The following ZNF618 variants were observed in gnomAD, a reference collection of about 807,000 sequenced individuals.
ZNF618 encodes the protein zinc finger protein 618, also known as neural precursor cell expressed, developmentally down-regulated 10.
Under a neutral mutation model 103.0 loss-of-function variants are expected in ZNF618, and 34 were observed. That is an observed-to-expected ratio of 0.33 (90% CI 0.25 to 0.44). The LOEUF is 0.44. ZNF618 is among the 20% of genes least tolerant of loss of function. The pLI is 1.00. For missense variants in ZNF618, 1,059 were observed against 1,295.4 expected, an observed-to-expected ratio of 0.82 and a Z score of 2.80; for synonymous variants, 551 against 542.2, an observed-to-expected ratio of 1.02 and a Z score of -0.23.
intron 1 of ZNF618, among the ~76,000 whole-genome samples, chr9:113,946,324 A>G (rs536921836): frequency 6.6e-6 from 1 of 152,150 alleles, no homozygotes; most frequent in Non-Finnish European, 1.5e-5. Flanking sequence ...GCCTAGCCCA[A>G]GGTCACATAG....
At position 114,055,342 on chromosome 9, in the gene ZNF618, G is replaced by C. The variant is rs1429835871; in HGVS notation, c.*5175G>C. On this transcript the variant is annotated 3_prime_UTR_variant, in exon 15 of 15. Coordinates refer to ENST00000374126, the MANE Select transcript of ZNF618 (RefSeq NM_001318042.2). The stretch of plus-strand genomic sequence containing the variant: ...ACTGACCCGGGGCTGGGCCTCGCCA[G>C]CCAGGAGAGAGCGAGGGCCGCACGG... 1 of 152,676 alleles carries C rather than the reference G, an allele frequency of 6.5e-6. No individual in the cohort carries two copies. The highest frequency in any genetic ancestry group is 1.5e-5 in the Non-Finnish European group (1 of 68,094). The allele number at this position is 152,676 out of a possible 1,614,324, so 9.5% of individuals were successfully genotyped here.
chr9:113,880,646 A>G (rs1828426008), intron 1 of ZNF618, among the ~76,000 whole-genome samples: 1 of 152,126 alleles, frequency 6.6e-6, no homozygotes, highest in African/African-American at 2.4e-5. Flanking sequence ...TCACAATCAG[A>G]ATTTTTTAAA....
chr9:113,965,555 C>T (rs192169261), intron 1 of ZNF618, among the ~76,000 whole-genome samples: 1 of 152,120 alleles, frequency 6.6e-6, no homozygotes. Flanking sequence ...GAAGGAGGAT[C>T]TCACTGGGGT....
intron 4 of ZNF618, among the ~76,000 whole-genome samples, chr9:114,000,583 A>ACCCCC (rs78178629): frequency 6.6e-6 from 1 of 151,762 alleles, no homozygotes; most frequent in Non-Finnish European, 1.5e-5. Flanking sequence ...AAAAGGTTGG[A>ACCCCC]CCCCCCTGAG....
intron 2 of ZNF618, among the ~76,000 whole-genome samples, chr9:113,981,045 G>T (rs992741950): frequency 5.3e-5 from 8 of 152,194 alleles, no homozygotes; most frequent in Admixed American, 2.6e-4. Context: ...CTTGGTCAGT[G>T]GGCAGAGTCC....
At chr9:113,892,667 GAAACA>G (rs1465109795) in intron 1 of ZNF618, among the ~76,000 whole-genome samples, 2 of 152,282 alleles carry the variant, frequency 1.3e-5, no homozygotes, top group East Asian at 3.9e-4. Context: ...GAAATAACTG[GAAACA>G]AGCAGAAAAG....
chr9:113,895,521 T>G (rs1829964586), intron 1 of ZNF618, among the ~76,000 whole-genome samples: 2 of 152,076 alleles, frequency 1.3e-5, no homozygotes, highest in South Asian at 4.1e-4. Context: ...TAGTGTGCTG[T>G]TTTTGTCATT....
chr9:113,976,157 A>G (rs1421983148), intron 2 of ZNF618, among the ~76,000 whole-genome samples: 2 of 152,186 alleles, frequency 1.3e-5, no homozygotes, highest in African/African-American at 4.8e-5. Flanking sequence ...ATTCACGTCC[A>G]TCAAGATCCG....
At chr9:114,009,230 G>C (rs1842033379) in intron 9 of ZNF618, among the ~76,000 whole-genome samples, 1 of 152,184 alleles carries the variant, frequency 6.6e-6, no homozygotes, top group South Asian at 2.1e-4. Context: ...ATAGCTTGCA[G>C]GGAGCTGTGG....
intron 12 of ZNF618, among the ~76,000 whole-genome samples, chr9:114,035,844 C>G (rs978417310): frequency 6.6e-6 from 1 of 152,090 alleles, no homozygotes. Flanking sequence ...TTCCTTATGT[C>G]TGTTACCTTG....
intron 3 of ZNF618, among the ~76,000 whole-genome samples, 182 bp downstream of exon 3, chr9:113,988,762 G>C (rs192414970): frequency 1.3e-5 from 2 of 152,304 alleles, no homozygotes; most frequent in South Asian, 2.1e-4. Context: ...TGCAGTTTCC[G>C]GCTGGAGAGC....
chr9:113,879,971 G>C (rs909374729), intron 1 of ZNF618, among the ~76,000 whole-genome samples: 1 of 152,100 alleles, frequency 6.6e-6, no homozygotes, highest in Admixed American at 6.5e-5. Flanking sequence ...GTATAAGGCT[G>C]ACCTCTCCCT....
chr9:113,936,813 TA>T lies in ZNF618; in HGVS notation c.34-32303del, dbSNP rs564528752. On this transcript the variant is annotated intron_variant, in intron 1 of 14. Transcript: ENST00000374126. ...ATTTTTAAAAATGTGCTCTATTTAT[TA>T]TTTTTTTAGCATTTTTTCTTGTTTA... Among the ~76,000 whole-genome samples, 273 of 152,364 alleles carry T rather than the reference TA, an allele frequency of 1.8e-3. 2 individuals are homozygous for T. The highest frequency in any genetic ancestry group is 6.2e-3 in the African/African-American group (257 of 41,592).
chr9:114,054,942 A>ACCCCCCCCG lies in ZNF618; in HGVS notation c.*4782_*4783insCGCCCCCCC, dbSNP rs892133266. ...TTCATGCCCCGTCCCTTCCCCCCCC[A>ACCCCCCCCG]CCCCCCCGCCCACCCACCACGGGTG... On this transcript the variant is annotated 3_prime_UTR_variant, in exon 15 of 15. Transcript: ENST00000374126. 1 of 46,316 alleles carries ACCCCCCCCG rather than the reference A, an allele frequency of 2.2e-5. No homozygotes were observed. Among genetic ancestry groups the ACCCCCCCCG allele is most frequent in the African/African-American group, 8.0e-5 (1 of 12,560 alleles). 2.9% of individuals were successfully genotyped at this position (46,316 alleles called of 1,614,324 possible). A position where few individuals can be genotyped will look rare whatever the true frequency, so the allele number is the denominator to read the frequency against.
At position 114,008,345 on chromosome 9, in the gene ZNF618, G is replaced by T; in HGVS notation, c.642G>T (p.Val214=). 1 of 1,613,888 alleles carries T rather than the reference G, an allele frequency of 6.2e-7. No individual in the cohort carries two copies. Among genetic ancestry groups the T allele is most frequent in the South Asian group, 1.1e-5 (1 of 91,080 alleles). The stretch of plus-strand genomic sequence containing the variant: ...CTGCCGCCTCCTGCCCGGGCGCAGT[G>T]TTTAGTGTGGAAGGGGCCCCTGAGA... ...QEHRDLHAVD[V]FSVEGAPENR... is the part of the protein sequence containing the mutation. Residue 214 remains valine, a splice_region_variant and synonymous_variant, in exon 8 of 15, where the codon GTG becomes GTT. Transcript: ENST00000374126.
intron 1 of ZNF618, among the ~76,000 whole-genome samples, chr9:113,961,121 G>A (rs1564222216): frequency 6.6e-6 from 1 of 152,200 alleles, no homozygotes; most frequent in Non-Finnish European, 1.5e-5. Flanking sequence ...TCGAGTGTGA[G>A]CTCTGTGCTT....
chr9:114,048,498 A>G (rs896294114), intron 14 of ZNF618, among the ~76,000 whole-genome samples, 153 bp from the exon 15 acceptor site: 3 of 152,172 alleles, frequency 2.0e-5, no homozygotes, highest in Non-Finnish European at 4.4e-5. Context: ...TGAGACCATC[A>G]TATATTAAAG....
chr9:113,903,713 T>C (rs1326210178), intron 1 of ZNF618, among the ~76,000 whole-genome samples: 1 of 152,148 alleles, frequency 6.6e-6, no homozygotes, highest in Non-Finnish European at 1.5e-5. Flanking sequence ...TGACAGGGTT[T>C]TTTGTTTGTT....
intron 12 of ZNF618, 81 bp from the exon 13 acceptor site, chr9:114,036,219 C>T (rs982930042): frequency 2.9e-6 from 4 of 1,391,180 alleles, no homozygotes; most frequent in Middle Eastern, 2.0e-4. Context: ...TGGGTTCCCA[C>T]TTGCAAAGCT....
Sources: allele counts gnomAD v4.1 joint callset (sites outside exome capture counted in the v4.1 genomes callset), GRCh38; gene constraint gnomAD v4.1.1; transcripts MANE v1.5; gene names NCBI Gene and HGNC (gene_info 2026-07-23, HGNC 2026-07-21).